The following ZSWIM5 variants were observed in gnomAD, a reference collection of about 807,000 sequenced individuals.
ZSWIM5 encodes the protein zinc finger SWIM domain-containing protein 5.
In ZSWIM5, 55 loss-of-function variants were observed where a neutral mutation model predicts 119.6. That is an observed-to-expected ratio of 0.46 (90% CI 0.37 to 0.58). ZSWIM5 has a LOEUF of 0.58. Ranked by LOEUF, ZSWIM5 falls within the 20% of genes least tolerant of loss-of-function variation. The probability of loss-of-function intolerance (pLI) is 0.00; values close to 1 mark genes in which losing one functional copy is unlikely to be tolerated. For synonymous variants in ZSWIM5, 537 were observed against 606.9 expected (o/e 0.88, Z 1.69); for missense variants, 1,193 against 1,512.8 (o/e 0.79, Z 3.51).
At chr1:45,087,467 C>G (rs1274234717) in intron 2 of ZSWIM5, among the ~76,000 whole-genome samples, 1 of 152,356 alleles carries the variant, frequency 6.6e-6, no homozygotes, top group South Asian at 2.1e-4. Context: ...CTTAGGATAA[C>G]TCTGATGCTA....
chr1:45,158,812 CA>C (rs1361812398), intron 1 of ZSWIM5, among the ~76,000 whole-genome samples: 2 of 152,074 alleles, frequency 1.3e-5, no homozygotes, highest in Non-Finnish European at 2.9e-5. Context: ...CAAATCATTA[CA>C]ATAGAGAAGA....
chr1:45,089,853 A>C (rs1645354123), intron 1 of ZSWIM5, among the ~76,000 whole-genome samples: 1 of 152,188 alleles, frequency 6.6e-6, no homozygotes, highest in Admixed American at 6.5e-5. Flanking sequence ...ACGTGCCTGT[A>C]GTCCCAGCTA....
rs573421383 is a variant in ZSWIM5, at chr1:45,058,024, G to A, written c.1252+585C>T. ...CCAGTCACAAGAGCCTTTTTTTGTA[G>A]GAGAAAGCCCAAGTTCATTTTTGAT... On this transcript the variant is annotated intron_variant, in intron 4 of 13. Transcript: ENST00000359600. Among the ~76,000 whole-genome samples the A allele has an allele frequency of 3.9e-5, 6 of 152,184 alleles. No homozygotes were observed. In the South Asian group the frequency reaches 8.3e-4, roughly 21 times the overall value.
chr1:45,163,536 G>C (rs964066706), intron 1 of ZSWIM5, among the ~76,000 whole-genome samples: 1 of 152,164 alleles, frequency 6.6e-6, no homozygotes, highest in Admixed American at 6.5e-5. Flanking sequence ...CGAGCTAAAG[G>C]AGGATGTTCG....
At chr1:45,053,491 G>A (rs1051717717) in intron 4 of ZSWIM5, among the ~76,000 whole-genome samples, 1 of 152,204 alleles carries the variant, frequency 6.6e-6, no homozygotes, top group East Asian at 1.9e-4. Context: ...GCCGGGTGCG[G>A]TGGCTCATTC....
At chr1:45,152,398 G>A (rs1570155240) in intron 1 of ZSWIM5, among the ~76,000 whole-genome samples, 3 of 152,142 alleles carry the variant, frequency 2.0e-5, no homozygotes, top group African/African-American at 7.2e-5. Context: ...TTAGAAAGCA[G>A]AACCATCAGG....
chr1:45,145,356 A>C (rs1034115391), intron 1 of ZSWIM5, among the ~76,000 whole-genome samples: 23 of 152,218 alleles, frequency 1.5e-4, no homozygotes, highest in Non-Finnish European at 2.6e-4. Context: ...AAAAAAAAAA[A>C]AAAACTGGTT....
chr1:45,025,122 C>T lies in ZSWIM5; in HGVS notation c.2450-4334G>A, dbSNP rs146489704. ...TGAAAAGACAATCTTTTGCTCCTTTCTCAGTATCAGTTGACTATATTTGTG... is the reference window on the plus strand; with the variant it reads ...TGAAAAGACAATCTTTTGCTCCTTTTTCAGTATCAGTTGACTATATTTGTG... On this transcript the variant is annotated intron_variant, in intron 11 of 13. Transcript: ENST00000359600. 3.7e-3 allele frequency among the ~76,000 whole-genome samples: 566 copies of T among 152,316 alleles called. 1 individual carries two copies. Among genetic ancestry groups the T allele is most frequent in the Non-Finnish European group, 6.7e-3 (453 of 68,026 alleles).
At chr1:45,189,839 T>C (rs1001486865) in intron 1 of ZSWIM5, among the ~76,000 whole-genome samples, 3 of 152,176 alleles carry the variant, frequency 2.0e-5, no homozygotes, top group African/African-American at 7.2e-5. Context: ...ACAGATGGTG[T>C]TTACAAAATA....
At chr1:45,173,078 T>C (rs1645956062) in intron 1 of ZSWIM5, among the ~76,000 whole-genome samples, 2 of 152,156 alleles carry the variant, frequency 1.3e-5, no homozygotes, top group South Asian at 2.1e-4. Flanking sequence ...GGCAGGAGGA[T>C]TGCTTAAGCC....
rs1409329986 is a variant in ZSWIM5, at chr1:45,106,516, C to A, written c.596-18279G>T. Among the ~76,000 whole-genome samples the A allele has an allele frequency of 8.1e-5, 12 of 148,038 alleles. 1 individual carries two copies. The highest frequency in any genetic ancestry group is 2.8e-4 in the African/African-American group (11 of 39,842). On this transcript the variant is annotated intron_variant, in intron 1 of 13. Coordinates refer to ENST00000359600, the MANE Select transcript of ZSWIM5 (RefSeq NM_020883.2). ...CGCTCTTACTCTGGGAGGTGGGGAGCGCCTCTGCCCGGCCGCCCATCATCT... is the reference window on the plus strand; with the variant it reads ...CGCTCTTACTCTGGGAGGTGGGGAGAGCCTCTGCCCGGCCGCCCATCATCT...
intron 1 of ZSWIM5, among the ~76,000 whole-genome samples, chr1:45,200,267 G>A (rs3009974): frequency 0.33 from 50,636 of 151,856 alleles, 9,637 homozygotes; most frequent in African/African-American, 0.53. Context: ...GTAATTTAGC[G>A]TATAATCACA....
intron 4 of ZSWIM5, among the ~76,000 whole-genome samples, chr1:45,051,630 A>G (rs1023774100): frequency 1.3e-5 from 2 of 152,250 alleles, no homozygotes; most frequent in Non-Finnish European, 1.5e-5. Flanking sequence ...ATAAATAAAC[A>G]TAATTCCATT....
chr1:45,128,321 A>G (rs930359035), intron 1 of ZSWIM5, among the ~76,000 whole-genome samples: 12 of 152,148 alleles, frequency 7.9e-5, no homozygotes, highest in African/African-American at 2.9e-4. Context: ...CAGCCTCCCA[A>G]ATAGCTGTGA....
chr1:45,126,720 T>C (rs1645624052), intron 1 of ZSWIM5, among the ~76,000 whole-genome samples: 1 of 151,788 alleles, frequency 6.6e-6, no homozygotes, highest in Non-Finnish European at 1.5e-5. Context: ...CTGGACAACA[T>C]AGTGAGACTC....
chr1:45,136,830 G>A (rs542982038), intron 1 of ZSWIM5, among the ~76,000 whole-genome samples: 1 of 152,034 alleles, frequency 6.6e-6, no homozygotes, highest in East Asian at 1.9e-4. Flanking sequence ...AATTCTTCAG[G>A]GTTCCAATAA....
intron 1 of ZSWIM5, among the ~76,000 whole-genome samples, chr1:45,153,107 A>G (rs1299808835): frequency 6.6e-6 from 1 of 151,396 alleles, no homozygotes; most frequent in African/African-American, 2.4e-5. Flanking sequence ...AAAAAAAAAA[A>G]AAAGAAAAAA....
At chr1:45,061,804 T>C (rs987004918) in intron 2 of ZSWIM5, among the ~76,000 whole-genome samples, 5 of 151,392 alleles carry the variant, frequency 3.3e-5, no homozygotes, top group Non-Finnish European at 5.9e-5. Context: ...GAAATATACA[T>C]TATTGGTTGG....
intron 1 of ZSWIM5, among the ~76,000 whole-genome samples, chr1:45,170,006 T>C (rs1021367487): frequency 5.3e-5 from 8 of 152,116 alleles, no homozygotes; most frequent in South Asian, 2.1e-4. Context: ...TGTGTGTAAA[T>C]TGCTATTTTA....
Sources: allele counts gnomAD v4.1 joint callset (sites outside exome capture counted in the v4.1 genomes callset), GRCh38; gene constraint gnomAD v4.1.1; transcripts MANE v1.5; gene names NCBI Gene and HGNC (gene_info 2026-07-23, HGNC 2026-07-21).